The following ADAM19 variants were observed in gnomAD, a reference collection of about 807,000 sequenced individuals.
The protein encoded by ADAM19 is disintegrin and metalloproteinase domain-containing protein 19.
In ADAM19, 65 loss-of-function variants were observed where a neutral mutation model predicts 114.7. The ratio of observed to expected loss-of-function variants is 0.57; its 90% CI spans 0.46 to 0.70. ADAM19 has a LOEUF of 0.70. ADAM19 is among the 30% of genes least tolerant of loss of function. The pLI, the probability that ADAM19 is intolerant of heterozygous loss-of-function variation, is 0.00. For missense variants in ADAM19, 1,063 were observed against 1,204.7 expected, an observed-to-expected ratio of 0.88 and a Z score of 1.74; for synonymous variants, 466 against 460.5, an observed-to-expected ratio of 1.01 and a Z score of -0.15.
rs1213186068 is a variant in ADAM19, at chr5:157,520,035, T to C, written c.408-4A>G. The C allele has an allele frequency of 6.9e-6, 11 of 1,603,808 alleles. No individual in the cohort carries two copies. Among genetic ancestry groups the C allele is most frequent in the Non-Finnish European group, 9.4e-6 (11 of 1,173,956 alleles). ...GCTGCTCACCGTAATCAGTCCTCTG[T>C]TGAGAGGAGAAATAGAATCTCTGGT... is the stretch of plus-strand genomic sequence containing the variant. On this transcript the variant is annotated splice_polypyrimidine_tract_variant and splice_region_variant and intron_variant, in intron 5 of 22. Transcript: ENST00000257527.
chr5:157,534,551 G>A (rs1756712076), intron 4 of ADAM19, among the ~76,000 whole-genome samples: 1 of 152,120 alleles, frequency 6.6e-6, no homozygotes, highest in South Asian at 2.1e-4. Flanking sequence ...CCAATGCTTT[G>A]GGAGGCCAAG....
chr5:157,495,817 A>C (rs762805766), intron 14 of ADAM19, among the ~76,000 whole-genome samples: 2 of 151,858 alleles, frequency 1.3e-5, no homozygotes, highest in Non-Finnish European at 2.9e-5. Flanking sequence ...TATTTTTAGC[A>C]GTTACAGGGT....
At chr5:157,518,721 G>A (rs1034287662) in intron 7 of ADAM19, 102 bp downstream of exon 7, 7 of 989,144 alleles carry the variant, frequency 7.1e-6, no homozygotes, top group South Asian at 1.3e-5. Context: ...AGATGAACTG[G>A]AGAAAGATGA....
chr5:157,513,563 G>A (rs990826605), intron 7 of ADAM19, 58 bp from the exon 8 acceptor site: 1 of 1,473,948 alleles, frequency 6.8e-7, no homozygotes, highest in South Asian at 1.1e-5. Context: ...GATGCTTCCT[G>A]CGCCCCATTA....
intron 9 of ADAM19, among the ~76,000 whole-genome samples, chr5:157,507,799 C>G (rs1281928361): frequency 6.6e-6 from 1 of 152,128 alleles, no homozygotes; most frequent in East Asian, 1.9e-4. Context: ...TGAATACATC[C>G]CTCTTTCAGT....
chr5:157,520,387 A>G (rs1255989641), intron 5 of ADAM19, among the ~76,000 whole-genome samples: 1 of 151,192 alleles, frequency 6.6e-6, no homozygotes, highest in Non-Finnish European at 1.5e-5. Context: ...TGTGACACTT[A>G]AAACTTATGA....
At chr5:157,541,961 C>T (rs1244909062) in intron 3 of ADAM19, among the ~76,000 whole-genome samples, 1 of 152,186 alleles carries the variant, frequency 6.6e-6, no homozygotes, top group East Asian at 1.9e-4. Flanking sequence ...TCAGCATAGG[C>T]GAGCATCACT....
intron 21 of ADAM19, 55 bp downstream of exon 21, chr5:157,488,210 G>T: frequency 6.5e-7 from 1 of 1,550,076 alleles, no homozygotes; most frequent in Non-Finnish European, 8.8e-7. Flanking sequence ...ATTACCCATT[G>T]AAAGTGGCCT....
In ADAM19 at chr5:157,518,842, A is replaced by G; in HGVS notation, c.647T>C (p.Leu216Pro). The G allele has an allele frequency of 6.2e-7, 1 of 1,614,070 alleles. No homozygotes were observed. Among genetic ancestry groups the G allele is most frequent in the Non-Finnish European group, 8.5e-7 (1 of 1,179,890 alleles). ...CCTTACCTCTAAATAATCAGCCACG[A>G]GGTAAAGCTCCACATACTTCATGGA... Reference protein sequence around the residue: ...LNSMKYVELYLVADYLEFQKN... With the variant: ...LNSMKYVELYPVADYLEFQKN... Residue 216 changes from leucine to proline, a missense_variant, in exon 7 of 23, where the codon CTC (leucine) becomes CCC (proline). Physicochemically the swap from Leu to Pro is moderately conservative, Grantham distance 98 (BLOSUM62 -3). Around this residue, in one of 3 missense-constraint regions of ADAM19, gnomAD observed 615 missense variants for 706.3 expected, o/e 0.87. Coordinates refer to ENST00000257527, the MANE Select transcript of ADAM19 (RefSeq NM_033274.5).
chr5:157,531,554 C>T (rs1756624296), intron 4 of ADAM19, among the ~76,000 whole-genome samples: 1 of 152,062 alleles, frequency 6.6e-6, no homozygotes, highest in African/African-American at 2.4e-5. Flanking sequence ...ATAATCCCAG[C>T]TACTCGGGAG....
In ADAM19 at chr5:157,489,120, C is replaced by T. The variant is rs763134049; in HGVS notation, c.2307G>A (p.Thr769=). 5.6e-6 allele frequency: 9 copies of T among 1,613,972 alleles called. No homozygotes were observed. Among genetic ancestry groups the T allele is most frequent in the East Asian group, 2.2e-5 (1 of 44,882 alleles). Residue 769 remains threonine (T), a synonymous_variant, in exon 20 of 23, where the codon ACG becomes ACA. Transcript: ENST00000257527. The stretch of plus-strand genomic sequence containing the variant: ...CTCTTACCTTTCGCTTGCCCTGGGG[C>T]GTCTGCAGCTTGAAAGTTGGGTTGG... The part of the protein sequence containing the change: ...GHANPTFKLQ[T]PQGKRKVINT...
intron 21 of ADAM19, among the ~76,000 whole-genome samples, chr5:157,483,493 T>C (rs964817795): frequency 1.3e-5 from 2 of 152,118 alleles, no homozygotes; most frequent in African/African-American, 4.8e-5. Flanking sequence ...AAACAAGCTG[T>C]AGAGGATAGT....
At chr5:157,504,902 G>A (rs541879905) in intron 11 of ADAM19, among the ~76,000 whole-genome samples, 125 of 151,932 alleles carry the variant, frequency 8.2e-4, no homozygotes, top group Admixed American at 4.3e-3. Context: ...GGTGGATCAC[G>A]AGGTCAGGAG....
At chr5:157,520,121 G>T (rs895019176) in intron 5 of ADAM19, 90 bp from the exon 6 acceptor site, 1 of 1,288,100 alleles carries the variant, frequency 7.8e-7, no homozygotes, top group Non-Finnish European at 1.1e-6. Context: ...TATGCAAAAT[G>T]ACATAGTGGG....
At chr5:157,524,218 C>T (rs1756389038) in intron 5 of ADAM19, among the ~76,000 whole-genome samples, 1 of 152,248 alleles carries the variant, frequency 6.6e-6, no homozygotes, top group Non-Finnish European at 1.5e-5. Context: ...TTCTAGGAGC[C>T]TTGGTTGATC....
At chr5:157,571,541 A>C (rs1243492332) in intron 1 of ADAM19, among the ~76,000 whole-genome samples, 1 of 152,192 alleles carries the variant, frequency 6.6e-6, no homozygotes, top group Non-Finnish European at 1.5e-5. Flanking sequence ...GAGACCACGG[A>C]GAGTGTCTGG....
At chr5:157,483,092 G>A (rs1754810562) in intron 21 of ADAM19, among the ~76,000 whole-genome samples, 1 of 152,144 alleles carries the variant, frequency 6.6e-6, no homozygotes, top group African/African-American at 2.4e-5. Flanking sequence ...GATAGCATTA[G>A]GAGAAATGCC....
chr5:157,529,951 G>C (rs981314149), intron 5 of ADAM19, among the ~76,000 whole-genome samples: 1 of 151,956 alleles, frequency 6.6e-6, no homozygotes, highest in African/African-American at 2.4e-5. Context: ...TTCATTAACC[G>C]TCCATTTCCT....
intron 3 of ADAM19, among the ~76,000 whole-genome samples, chr5:157,553,316 T>G (rs997450215): frequency 2.0e-5 from 3 of 152,234 alleles, no homozygotes; most frequent in African/African-American, 4.8e-5. Context: ...ACTTACTATG[T>G]ATGTACTCAC....
Sources: allele counts gnomAD v4.1 joint callset (sites outside exome capture counted in the v4.1 genomes callset), GRCh38; gene constraint gnomAD v4.1.1; regional missense constraint gnomAD v4.1.1; transcripts MANE v1.5; gene names NCBI Gene and HGNC (gene_info 2026-07-23, HGNC 2026-07-21).